Variants in ZNF532 observed in about 807,000 individuals in gnomAD.
ZNF532 encodes the protein zinc finger protein 532.
A neutral mutation model predicts 89.3 loss-of-function variants in ZNF532; 22 were observed. That is an observed-to-expected ratio of 0.25 (90% CI 0.18 to 0.35). The LOEUF (loss-of-function observed/expected upper bound fraction) is 0.35, where lower values mean the gene tolerates loss of function less well. Ranked by LOEUF, ZNF532 falls within the 10% of genes least tolerant of loss-of-function variation. The pLI is 1.00. For missense variants in ZNF532, 1,132 were observed against 1,643.4 expected, an observed-to-expected ratio of 0.69 and a Z score of 5.38; for synonymous variants, 606 against 649.6, an observed-to-expected ratio of 0.93 and a Z score of 1.02.
Position 58,984,124 on chromosome 18 carries a change from A to C in ZNF532, c.3564A>C (p.Gln1188His). The change falls in exon 10 of 10, where the codon CAA becomes CAC. Residue 1188 changes from glutamine (Q) to histidine (H), a missense_variant. This residue lies in a region of ZNF532 where 415 missense variants were observed against 604.8 expected (regional missense o/e 0.69). Coordinates refer to ENST00000591808, the MANE Select transcript of ZNF532 (RefSeq NM_001375912.1). ...VCGFTTENLL[Q>H]FHEHIPQHKS... ...GCTTCACCACCGAAAACCTGCTGCA[A>C]TTCCACGAACACATCCCTCAGCACA... 6.2e-7 allele frequency: 1 copy of C among 1,611,872 alleles called. No homozygotes were observed. Among genetic ancestry groups the C allele is most frequent in the Non-Finnish European group, 8.5e-7 (1 of 1,179,842 alleles).
At chr18:58,978,718 AT>A (rs2067344183) in intron 7 of ZNF532, among the ~76,000 whole-genome samples, 1 of 152,172 alleles carries the variant, frequency 6.6e-6, no homozygotes, top group African/African-American at 2.4e-5. Context: ...AGTGTTTCAA[AT>A]TTTAGATGTT....
At chr18:58,879,549 C>A (rs376417609) in intron 2 of ZNF532, among the ~76,000 whole-genome samples, 2 of 152,096 alleles carry the variant, frequency 1.3e-5, no homozygotes, top group African/African-American at 4.8e-5. Context: ...CCACCACGCC[C>A]GGCTAATATT....
intron 7 of ZNF532, among the ~76,000 whole-genome samples, chr18:58,960,291 C>T (rs188853537): frequency 1.3e-4 from 20 of 152,286 alleles, no homozygotes; most frequent in Admixed American, 8.5e-4. Flanking sequence ...CTCAAGTGAT[C>T]GTCTCATCTT....
chr18:58,901,361 A>G (rs1319715417), intron 2 of ZNF532, among the ~76,000 whole-genome samples: 1 of 152,196 alleles, frequency 6.6e-6, no homozygotes, highest in Admixed American at 6.5e-5. Flanking sequence ...GTGGGATTAC[A>G]GGCGTGAGCC....
chr18:58,932,453 C>T (rs1185766161), intron 3 of ZNF532: 2 of 152,186 alleles, frequency 1.3e-5, no homozygotes, highest in Non-Finnish European at 2.9e-5. Flanking sequence ...AATCACATTA[C>T]TTTAGATAAA....
At chr18:58,895,606 C>T (rs1256568549) in intron 2 of ZNF532, among the ~76,000 whole-genome samples, 2 of 152,146 alleles carry the variant, frequency 1.3e-5, no homozygotes, top group South Asian at 2.1e-4. Flanking sequence ...CAGTCTATAT[C>T]GTACGTGTCT....
intron 7 of ZNF532, among the ~76,000 whole-genome samples, chr18:58,972,283 T>C (rs1454266293): frequency 1.3e-5 from 2 of 152,202 alleles, no homozygotes; most frequent in East Asian, 1.9e-4. Context: ...AAAGCCAATA[T>C]GTATAATATA....
intron 6 of ZNF532, 117 bp downstream of exon 6, chr18:58,948,346 A>C: frequency 2.8e-6 from 3 of 1,081,072 alleles, no homozygotes; most frequent in Non-Finnish European, 4.0e-6. Context: ...GAAGGGATGG[A>C]TGCTGGTCGT....
intron 2 of ZNF532, chr18:58,916,749 T>TTAGCAGCTGTTGA (rs2060628634): frequency 1.0e-6 from 1 of 985,068 alleles, no homozygotes; most frequent in Non-Finnish European, 1.2e-6. Context: ...ACTGAGGGTC[T>TTAGCAGCTGTTGA]TAGCAGCTGT....
At chr18:58,944,982 C>A (rs146595674) in intron 5 of ZNF532, among the ~76,000 whole-genome samples, 24 of 152,328 alleles carry the variant, frequency 1.6e-4, no homozygotes, top group African/African-American at 5.5e-4. Flanking sequence ...AACCTCCGTG[C>A]AGCCCCCCAG....
intron 4 of ZNF532, among the ~76,000 whole-genome samples, chr18:58,938,959 A>C (rs1361018177): frequency 1.6e-4 from 24 of 152,142 alleles, no homozygotes; most frequent in Non-Finnish European, 1.5e-5. Context: ...TAAACATATA[A>C]AAATAGGCTG....
chr18:58,899,282 A>G (rs1458559264), intron 2 of ZNF532, among the ~76,000 whole-genome samples: 1 of 152,244 alleles, frequency 6.6e-6, no homozygotes, highest in African/African-American at 2.4e-5. Context: ...ACAGTGGAAC[A>G]TCCTTACACT....
chr18:58,931,827 T>A (rs1490398031), intron 3 of ZNF532: 1 of 150,570 alleles, frequency 6.6e-6, no homozygotes, highest in Non-Finnish European at 1.5e-5. Flanking sequence ...GTGGTCTCAG[T>A]TATTGGGGAG....
At chr18:58,977,226 C>T (rs1291664122) in intron 7 of ZNF532, among the ~76,000 whole-genome samples, 1 of 152,170 alleles carries the variant, frequency 6.6e-6, no homozygotes, top group Non-Finnish European at 1.5e-5. Flanking sequence ...TTTTTCTATG[C>T]TTTTTGAATG....
intron 2 of ZNF532, among the ~76,000 whole-genome samples, chr18:58,891,806 T>C (rs2058921879): frequency 6.6e-6 from 1 of 152,244 alleles, no homozygotes; most frequent in African/African-American, 2.4e-5. Context: ...GGTGTGATAC[T>C]AAGTGCCAGC....
chr18:58,924,317 G>C (rs145647966), intron 3 of ZNF532, among the ~76,000 whole-genome samples: 110 of 152,362 alleles, frequency 7.2e-4, no homozygotes, highest in African/African-American at 2.5e-3. Flanking sequence ...ACCCAGTGCA[G>C]TTTAAGCCTG....
At chr18:58,942,390 C>T (rs2146744917) in intron 5 of ZNF532, among the ~76,000 whole-genome samples, 2 of 135,268 alleles carry the variant, frequency 1.5e-5, no homozygotes, top group Admixed American at 7.7e-5. Flanking sequence ...TTCCTTCCTT[C>T]CTTCCTTCCT....
intron 5 of ZNF532, among the ~76,000 whole-genome samples, chr18:58,942,789 C>T (rs972079413): frequency 6.6e-6 from 1 of 152,216 alleles, no homozygotes; most frequent in African/African-American, 2.4e-5. Context: ...ACTAAATAGT[C>T]CCAGCTCAGG....
At chr18:58,944,634 T>C (rs991998626) in intron 5 of ZNF532, among the ~76,000 whole-genome samples, 7 of 152,148 alleles carry the variant, frequency 4.6e-5, no homozygotes, top group African/African-American at 1.7e-4. Flanking sequence ...CCTCTCTGCC[T>C]GGTAGCCGGT....
Sources: gnomAD v4.1 joint callset for allele counts (sites outside exome capture counted in the v4.1 genomes callset) on GRCh38, gnomAD v4.1.1 for gene constraint, gnomAD v4.1.1 regional missense constraint, MANE v1.5 for transcripts, NCBI Gene and HGNC (gene_info 2026-07-23, HGNC 2026-07-21) for gene names.